The following NXPH1 variants were observed in gnomAD, a reference collection of about 807,000 sequenced individuals.
NXPH1 encodes neurexophilin-1.
NXPH1 carries 5 observed loss-of-function variants against 23.7 expected under a neutral mutation model. The ratio of observed to expected loss-of-function variants is 0.21; its 90% CI spans 0.11 to 0.44. NXPH1 has a LOEUF of 0.44. NXPH1 is among the 20% of genes least tolerant of loss of function. The pLI is 0.99. For synonymous variants in NXPH1, 144 were observed against 122.2 expected (o/e 1.18, Z -1.18); for missense variants, 324 against 321.6 (o/e 1.01, Z -0.06).
intron 2 of NXPH1, among the ~76,000 whole-genome samples, chr7:8,702,473 T>C (rs1403211141): frequency 1.3e-5 from 2 of 152,256 alleles, no homozygotes; most frequent in African/African-American, 4.8e-5. Flanking sequence ...TACTGCTTGT[T>C]AGCATATCCA....
intron 2 of NXPH1, among the ~76,000 whole-genome samples, chr7:8,684,264 T>C (rs971943751): frequency 1.3e-5 from 2 of 152,182 alleles, no homozygotes; most frequent in Non-Finnish European, 2.9e-5. Flanking sequence ...CCATTAGCTG[T>C]GATCACCACA....
At chr7:8,543,407 G>A (rs1584222468) in intron 2 of NXPH1, among the ~76,000 whole-genome samples, 1 of 151,462 alleles carries the variant, frequency 6.6e-6, no homozygotes, top group African/African-American at 2.4e-5. Flanking sequence ...TACGACTAAA[G>A]CAATATCACA....
chr7:8,722,829 T>C (rs907806373), intron 2 of NXPH1, among the ~76,000 whole-genome samples: 1 of 152,214 alleles, frequency 6.6e-6, no homozygotes, highest in Non-Finnish European at 1.5e-5. Flanking sequence ...TGAGTCACTT[T>C]AGCTCTATGA....
intron 2 of NXPH1, among the ~76,000 whole-genome samples, chr7:8,692,048 C>A (rs1264120914): frequency 1.3e-5 from 2 of 151,766 alleles, no homozygotes; most frequent in Non-Finnish European, 2.9e-5. Context: ...GGGCTAGAAC[C>A]AGCTTGGCAG....
chr7:8,508,990 C>T (rs903964036), intron 2 of NXPH1, among the ~76,000 whole-genome samples: 4 of 152,020 alleles, frequency 2.6e-5, no homozygotes, highest in East Asian at 3.9e-4. Context: ...AAGCGATATT[C>T]GTAAAAACAA....
intron 2 of NXPH1, among the ~76,000 whole-genome samples, chr7:8,523,201 C>T (rs1307275334): frequency 6.6e-6 from 1 of 152,192 alleles, no homozygotes; most frequent in Non-Finnish European, 1.5e-5. Context: ...TGAGGTCCAT[C>T]TCAAGCCCAT....
intron 2 of NXPH1, among the ~76,000 whole-genome samples, chr7:8,551,756 A>C (rs958590576): frequency 6.6e-6 from 1 of 151,428 alleles, no homozygotes. Context: ...CCTACAGTGC[A>C]TTATAACGAC....
At chr7:8,625,262 T>A (rs1445030391) in intron 2 of NXPH1, among the ~76,000 whole-genome samples, 2 of 152,160 alleles carry the variant, frequency 1.3e-5, no homozygotes, top group East Asian at 1.9e-4. Context: ...AATACTGTAA[T>A]TTTTTATTTC....
chr7:8,732,157 C>T (rs918112482), intron 2 of NXPH1, among the ~76,000 whole-genome samples: 2 of 152,234 alleles, frequency 1.3e-5, no homozygotes, highest in African/African-American at 4.8e-5. Context: ...CTCCCTGACC[C>T]CTTGCGCTTC....
At chr7:8,441,705 AT>A (rs1816303250) in intron 2 of NXPH1, among the ~76,000 whole-genome samples, 1 of 152,118 alleles carries the variant, frequency 6.6e-6, no homozygotes, top group South Asian at 2.1e-4. Context: ...GCGGCTTTTT[AT>A]TGAGATAATA....
chr7:8,614,264 T>C (rs992619301), intron 2 of NXPH1, among the ~76,000 whole-genome samples: 2 of 151,978 alleles, frequency 1.3e-5, no homozygotes, highest in Non-Finnish European at 2.9e-5. Flanking sequence ...TGTTTTCTTA[T>C]ACGGCATATA....
chr7:8,604,723 G>C (rs557196759), intron 2 of NXPH1, among the ~76,000 whole-genome samples: 1 of 152,056 alleles, frequency 6.6e-6, no homozygotes, highest in East Asian at 1.9e-4. Context: ...TTATAGGCAG[G>C]TTCCAATATG....
intron 2 of NXPH1, among the ~76,000 whole-genome samples, chr7:8,718,560 A>G (rs1779914668): frequency 6.6e-6 from 1 of 152,242 alleles, no homozygotes; most frequent in Admixed American, 6.5e-5. Flanking sequence ...AAAAATAGTT[A>G]ATGACATCAA....
Position 8,751,008 on chromosome 7 carries a change from G to A in NXPH1, c.55G>A (p.Val19Ile). 1 of 1,613,140 alleles carries A rather than the reference G, an allele frequency of 6.2e-7. No individual in the cohort carries two copies. The highest frequency in any genetic ancestry group is 8.5e-7 in the Non-Finnish European group (1 of 1,179,242). The change falls in exon 3 of 3, where the codon GTC (valine) becomes ATC (isoleucine). Residue 19 changes from valine (V) to isoleucine (I), a missense_variant and splice_region_variant. Val to Ile is a conservative substitution (Grantham distance 29, BLOSUM62 3). Coordinates refer to ENST00000405863, the MANE Select transcript of NXPH1 (RefSeq NM_152745.3). This position sits in a 1 kb window ranked among gnomAD's most constrained non-coding sequence, Gnocchi z 4.5. ...TGCCATTTTTCTCTTCTGTTTTCAG[G>A]TCACATGTGCCAATTTAACGAACGG... Reference protein sequence around the residue: ...LFLLQPTVYLVTCANLTNGGK... With the variant: ...LFLLQPTVYLITCANLTNGGK...
chr7:8,532,304 C>T (rs529118383), intron 2 of NXPH1, among the ~76,000 whole-genome samples: 26 of 152,188 alleles, frequency 1.7e-4, no homozygotes, highest in African/African-American at 5.5e-4. Flanking sequence ...ATCTATGTAT[C>T]AATTCATCCA....
Position 8,751,646 on chromosome 7 carries a change from C to T in NXPH1, c.693C>T (p.Cys231=), listed in dbSNP as rs375393297. ...CCCAAAGTCATGTATCCTGGCTCTG[C>T]TCCAAGCCCTTTAAGGTGATCTGTA... The part of the protein sequence containing the change: ...EQTQSHVSWL[C]SKPFKVICIY... The change falls in exon 3 of 3, where the codon TGC becomes TGT. Residue 231 remains cysteine, a synonymous_variant. Transcript: ENST00000405863. The surrounding 1 kb of genome is among the most constrained non-coding windows in gnomAD (Gnocchi z 4.5). 5.0e-6 allele frequency: 8 copies of T among 1,613,418 alleles called. No individual in the cohort carries two copies. Among genetic ancestry groups the T allele is most frequent in the African/African-American group, 4.0e-5 (3 of 75,028 alleles).
intron 2 of NXPH1, among the ~76,000 whole-genome samples, chr7:8,659,958 A>G (rs1820646682): frequency 6.6e-6 from 1 of 152,208 alleles, no homozygotes; most frequent in Non-Finnish European, 1.5e-5. Context: ...TTCATAATAC[A>G]GAGAGACGTG....
intron 2 of NXPH1, among the ~76,000 whole-genome samples, chr7:8,553,671 T>C (rs1227591041): frequency 2.0e-5 from 3 of 151,588 alleles, no homozygotes; most frequent in Admixed American, 2.0e-4. Context: ...CAATACTGTC[T>C]TTTCCTTACA....
At chr7:8,515,998 C>A (rs1438520292) in intron 2 of NXPH1, among the ~76,000 whole-genome samples, 1 of 152,100 alleles carries the variant, frequency 6.6e-6, no homozygotes. Context: ...CATGCACCAA[C>A]TTCTGTCTTA....
Sources: gnomAD v4.1 joint callset for allele counts (sites outside exome capture counted in the v4.1 genomes callset) on GRCh38, gnomAD v4.1.1 for gene constraint, Gnocchi (gnomAD v3.1) non-coding constraint, MANE v1.5 for transcripts, NCBI Gene and HGNC (gene_info 2026-07-23, HGNC 2026-07-21) for gene names.